The following PARP8 variants were observed in gnomAD, a reference collection of about 807,000 sequenced individuals.
PARP8 encodes poly(ADP-ribose) polymerase family member 8, also known as protein mono-ADP-ribosyltransferase PARP8.
PARP8 carries 51 observed loss-of-function variants against 124.1 expected under a neutral mutation model. The observed-to-expected ratio is 0.41, with a 90% confidence interval of 0.33 to 0.52. The LOEUF (loss-of-function observed/expected upper bound fraction) is 0.52, where lower values mean the gene tolerates loss of function less well. Ranked by LOEUF, PARP8 falls within the 20% of genes least tolerant of loss-of-function variation. The probability of loss-of-function intolerance (pLI) is 0.21; values close to 1 mark genes in which losing one functional copy is unlikely to be tolerated. For missense variants in PARP8, 860 were observed against 1,018.9 expected, an observed-to-expected ratio of 0.84 and a Z score of 2.12; for synonymous variants, 391 against 361.5, an observed-to-expected ratio of 1.08 and a Z score of -0.93.
intron 25 of PARP8, among the ~76,000 whole-genome samples, chr5:50,839,925 G>T (rs1747994176): frequency 6.6e-6 from 1 of 151,878 alleles, no homozygotes; most frequent in African/African-American, 2.4e-5. Context: ...GAGGAAATCT[G>T]TATTTGAATG....
rs1456619232 is a variant in PARP8, at chr5:50,842,138, A to AGAT, written c.*71_*73dup. 2 of 1,019,958 alleles carry AGAT rather than the reference A, an allele frequency of 2.0e-6. No individual in the cohort carries two copies. The highest frequency in any genetic ancestry group is 2.5e-5 in the Admixed American group (1 of 40,346). The allele number at this position is 1,019,958 out of a possible 1,614,324, so 63.2% of individuals were successfully genotyped here. On this transcript the variant is annotated 3_prime_UTR_variant, in exon 26 of 26. Transcript: ENST00000281631. ...TCAAAGCTGGATTTTGAACTGAAGA[A>AGAT]GATTATAAAATTATTTATTGTTATT... is the stretch of plus-strand genomic sequence containing the variant.
intron 12 of PARP8, among the ~76,000 whole-genome samples, chr5:50,796,642 T>G (rs1338868010): frequency 6.6e-6 from 1 of 152,218 alleles, no homozygotes; most frequent in African/African-American, 2.4e-5. Context: ...AAAATAAGAC[T>G]GAAGTCTCCT....
intron 2 of PARP8, among the ~76,000 whole-genome samples, chr5:50,723,957 C>T (rs1249309861): frequency 6.6e-6 from 1 of 152,052 alleles, no homozygotes; most frequent in Non-Finnish European, 1.5e-5. Context: ...AGAAATTATT[C>T]TCTTTAGGCA....
intron 2 of PARP8, among the ~76,000 whole-genome samples, chr5:50,696,715 C>T (rs760442237): frequency 2.6e-5 from 4 of 152,062 alleles, no homozygotes; most frequent in Non-Finnish European, 5.9e-5. Flanking sequence ...GTTTGTTTCA[C>T]GCCATCCCTA....
chr5:50,837,073 C>CG (rs902211225), intron 25 of PARP8, among the ~76,000 whole-genome samples: 1 of 151,932 alleles, frequency 6.6e-6, no homozygotes, highest in African/African-American at 2.4e-5. Context: ...GTACATGTTG[C>CG]GGGGGGTGTT....
At chr5:50,786,742 G>A (rs1242373627) in intron 9 of PARP8, among the ~76,000 whole-genome samples, 1 of 151,986 alleles carries the variant, frequency 6.6e-6, no homozygotes, top group Admixed American at 6.6e-5. Context: ...TTCCTCCCCA[G>A]CCTTCTTTGC....
At chr5:50,818,576 A>G (rs1274550319) in intron 15 of PARP8, among the ~76,000 whole-genome samples, 1 of 151,884 alleles carries the variant, frequency 6.6e-6, no homozygotes, top group Non-Finnish European at 1.5e-5. Context: ...ACAAGGTCTC[A>G]CTGTGTTGTC....
intron 3 of PARP8, among the ~76,000 whole-genome samples, chr5:50,756,518 G>T (rs1371566099): frequency 6.6e-6 from 1 of 152,092 alleles, no homozygotes; most frequent in Non-Finnish European, 1.5e-5. Context: ...CAGATGGGAT[G>T]ATCATCAAAG....
chr5:50,730,791 G>A (rs1417676153), intron 2 of PARP8, among the ~76,000 whole-genome samples: 1 of 152,068 alleles, frequency 6.6e-6, no homozygotes, highest in African/African-American at 2.4e-5. Context: ...TATACTTTTT[G>A]AATAAGATTA....
chr5:50,749,931 T>C (rs1231735497), intron 2 of PARP8, among the ~76,000 whole-genome samples: 1 of 152,148 alleles, frequency 6.6e-6, no homozygotes, highest in Non-Finnish European at 1.5e-5. Flanking sequence ...TCAAAACTGT[T>C]AGACTAAGAC....
rs915988437 is a variant in PARP8, at chr5:50,842,621, A to G, written c.*553A>G. 1 of 151,900 alleles carries G rather than the reference A, an allele frequency of 6.6e-6. No individual in the cohort carries two copies. Among genetic ancestry groups the G allele is most frequent in the Non-Finnish European group, 1.5e-5 (1 of 67,876 alleles). 9.4% of individuals were successfully genotyped at this position (151,900 alleles called of 1,614,324 possible). A position where few individuals can be genotyped will look rare whatever the true frequency, so the allele number is the denominator to read the frequency against. On this transcript the variant is annotated 3_prime_UTR_variant, in exon 26 of 26. Coordinates refer to ENST00000281631, the MANE Select transcript of PARP8 (RefSeq NM_024615.4). ...AGTGCTTTGCCAAAAAGTATGTAATATACACATCTATACATTCATGCATCA... is the reference window on the plus strand; with the variant it reads ...AGTGCTTTGCCAAAAAGTATGTAATGTACACATCTATACATTCATGCATCA...
chr5:50,732,402 A>G (rs1436457567), intron 2 of PARP8, among the ~76,000 whole-genome samples: 5 of 152,188 alleles, frequency 3.3e-5, no homozygotes, highest in Non-Finnish European at 5.9e-5. Flanking sequence ...TGCAAACAAT[A>G]TTTTGTAATA....
At chr5:50,744,888 G>A in intron 2 of PARP8, 1 of 659,832 alleles carries the variant, frequency 1.5e-6, no homozygotes, top group South Asian at 1.7e-5. Flanking sequence ...CCTGCTACAT[G>A]GCATTTATTA....
intron 15 of PARP8, among the ~76,000 whole-genome samples, chr5:50,818,247 C>T (rs39613): frequency 0.13 from 15,807 of 124,892 alleles, 864 homozygotes; most frequent in Middle Eastern, 0.19. Flanking sequence ...TTTCTTCCCC[C>T]TCGAGAGAGC....
At chr5:50,714,449 T>C (rs546595761) in intron 2 of PARP8, among the ~76,000 whole-genome samples, 1 of 152,240 alleles carries the variant, frequency 6.6e-6, no homozygotes, top group South Asian at 2.1e-4. Context: ...ATACATGTGC[T>C]GAACATGCAG....
intron 2 of PARP8, among the ~76,000 whole-genome samples, chr5:50,680,360 G>A (rs1486062301): frequency 3.9e-5 from 6 of 151,914 alleles, no homozygotes; most frequent in Non-Finnish European, 8.8e-5. Flanking sequence ...GGGAACAGAC[G>A]GGTGAATGAG....
intron 7 of PARP8, among the ~76,000 whole-genome samples, chr5:50,763,640 A>AC (rs1311803114): frequency 6.6e-6 from 1 of 152,176 alleles, no homozygotes; most frequent in Non-Finnish European, 1.5e-5. Context: ...CCCTAAAAAA[A>AC]AAAAAAGTGT....
At chr5:50,745,207 A>G (rs73101056) in intron 2 of PARP8, among the ~76,000 whole-genome samples, 3,763 of 152,332 alleles carry the variant, frequency 0.025, 153 homozygotes, top group African/African-American at 0.086. Context: ...ATGTCTCCTA[A>G]TATCATGAGG....
chr5:50,755,848 T>A (rs1202905330), intron 3 of PARP8, among the ~76,000 whole-genome samples: 1 of 152,214 alleles, frequency 6.6e-6, no homozygotes, highest in African/African-American at 2.4e-5. Flanking sequence ...GTATCCTCTT[T>A]TATTTTGTTC....
Sources: gnomAD v4.1 joint callset for allele counts (sites outside exome capture counted in the v4.1 genomes callset) on GRCh38, gnomAD v4.1.1 for gene constraint, MANE v1.5 for transcripts, NCBI Gene and HGNC (gene_info 2026-07-23, HGNC 2026-07-21) for gene names.